The following ZNF609 variants were observed in gnomAD, a reference collection of about 807,000 sequenced individuals.
The protein encoded by ZNF609 is zinc finger protein 609.
A neutral mutation model predicts 109.5 loss-of-function variants in ZNF609; 11 were observed. The observed-to-expected ratio is 0.10, with a 90% confidence interval of 0.06 to 0.17. The LOEUF (loss-of-function observed/expected upper bound fraction) is 0.17, where lower values mean the gene tolerates loss of function less well. ZNF609 is among the 10% of genes least tolerant of loss of function. The pLI is 1.00. For missense variants in ZNF609, 1,559 were observed against 1,772.4 expected, an observed-to-expected ratio of 0.88 and a Z score of 2.16; for synonymous variants, 646 against 662.0, an observed-to-expected ratio of 0.98 and a Z score of 0.37.
intron 2 of ZNF609, among the ~76,000 whole-genome samples, chr15:64,510,285 G>C (rs1893704876): frequency 1.3e-5 from 2 of 150,700 alleles, no homozygotes; most frequent in African/African-American, 4.9e-5. Flanking sequence ...GCTCAGTGCA[G>C]CCTCAAACTC....
chr15:64,489,715 A>G (rs1696390001), intron 1 of ZNF609, among the ~76,000 whole-genome samples: 1 of 151,224 alleles, frequency 6.6e-6, no homozygotes, highest in African/African-American at 2.4e-5. Context: ...TTTTTAGTAA[A>G]GACAGTTTCC....
chr15:64,584,526 C>T (rs966186230), intron 2 of ZNF609, among the ~76,000 whole-genome samples: 1 of 152,056 alleles, frequency 6.6e-6, no homozygotes, highest in Non-Finnish European at 1.5e-5. Flanking sequence ...GTCTCGAACT[C>T]GTGACCTCAA....
In ZNF609 at chr15:64,499,818, C is replaced by G. The variant is rs551876042; in HGVS notation, c.399C>G (p.Gly133=). Residue 133 remains glycine, a synonymous_variant, in exon 2 of 10, where the codon GGC becomes GGG. Transcript: ENST00000326648. ...GRSGDGANAG[G]LVAAIAPKGS... ...CAGGAGATGGTGCCAATGCTGGAGG[C>G]CTGGTTGCTGCTATTGCTCCCAAGG... 7.7e-4 allele frequency: 1,246 copies of G among 1,614,040 alleles called. 20 individuals carry two copies. In the South Asian group the frequency reaches 0.013, roughly 17 times the overall value.
intron 2 of ZNF609, among the ~76,000 whole-genome samples, chr15:64,569,828 T>C (rs1441413220): frequency 6.6e-6 from 1 of 152,248 alleles, no homozygotes; most frequent in Non-Finnish European, 1.5e-5. Context: ...GTTAGACAGC[T>C]AGTTAAGTTT....
intron 1 of ZNF609, among the ~76,000 whole-genome samples, chr15:64,492,633 C>T (rs930962950): frequency 5.9e-5 from 9 of 152,144 alleles, no homozygotes; most frequent in Admixed American, 3.3e-4. Context: ...CCTCTCACCT[C>T]GGCCTCCCAA....
chr15:64,562,122 G>A, intron 2 of ZNF609, among the ~76,000 whole-genome samples: 1 of 152,136 alleles, frequency 6.6e-6, no homozygotes, highest in East Asian at 1.9e-4. Context: ...AATAATTTCA[G>A]TTCAATCTTT....
At chr15:64,612,298 C>T (rs1001575657) in intron 2 of ZNF609, among the ~76,000 whole-genome samples, 1 of 151,864 alleles carries the variant, frequency 6.6e-6, no homozygotes, top group African/African-American at 2.4e-5. Context: ...CAGGTGCCCG[C>T]CACCACGCCC....
At chr15:64,631,201 G>T in intron 3 of ZNF609, 1 of 623,330 alleles carries the variant, frequency 1.6e-6, no homozygotes. Context: ...AGAGGCTGCT[G>T]CTTCAGGTGA....
intron 2 of ZNF609, among the ~76,000 whole-genome samples, chr15:64,587,525 A>C (rs1895217407): frequency 6.6e-6 from 1 of 152,054 alleles, no homozygotes; most frequent in Non-Finnish European, 1.5e-5. Context: ...GTATTTGTGT[A>C]TTTTCTTGCA....
At chr15:64,469,797 G>A (rs1893069016) in intron 1 of ZNF609, among the ~76,000 whole-genome samples, 1 of 152,200 alleles carries the variant, frequency 6.6e-6, no homozygotes, top group African/African-American at 2.4e-5. Context: ...GGGAGGCCGA[G>A]GCGGGTGGAT....
chr15:64,671,754 T>G (rs1896734357), intron 4 of ZNF609, among the ~76,000 whole-genome samples: 2 of 152,132 alleles, frequency 1.3e-5, no homozygotes. Context: ...AGTCACAAGT[T>G]TCTTTGTTGG....
Position 64,674,545 on chromosome 15 carries a change from C to T in ZNF609, c.1691C>T (p.Ser564Leu), listed in dbSNP as rs748390227. 1.9e-6 allele frequency: 3 copies of T among 1,614,130 alleles called. No individual in the cohort carries two copies. The highest frequency in any genetic ancestry group is 4.5e-5 in the East Asian group (2 of 44,884). The change falls in exon 5 of 10, where the codon TCA becomes TTA. Residue 564 changes from serine (S) to leucine (L), a missense_variant. Physicochemically the swap from Ser to Leu is moderately radical, Grantham distance 145. This residue lies in a region of ZNF609 where 1,204 missense variants were observed against 1,314.1 expected (regional missense o/e 0.92). Coordinates refer to ENST00000326648, the MANE Select transcript of ZNF609 (RefSeq NM_015042.2). ...AAAGGTTCCTTGTCCCCTGCCCGCT[C>T]AGCTACCCCCAAAGTTCGACTTGTA... ...SQKGSLSPAR[S>L]ATPKVRLVEP...
intron 1 of ZNF609, among the ~76,000 whole-genome samples, chr15:64,480,241 A>G (rs1001094411): frequency 2.2e-4 from 34 of 151,788 alleles, no homozygotes; most frequent in African/African-American, 8.2e-4. Context: ...TCCATCTCCA[A>G]AAAAAAGGTG....
At position 64,680,784 on chromosome 15, in the gene ZNF609, C is replaced by G. The variant is rs779181065; in HGVS notation, c.4084C>G (p.Leu1362Val). ...GCCCCGCACCTCTCCTTCCCAGCGC[C>G]TGATGTCCACACACCACCACCACCA... ...DRPRTSPSQR[L>V]MSTHHHHHHL... Residue 1362 changes from leucine (L) to valine (V), a missense_variant, in exon 8 of 10, where the codon CTG (leucine) becomes GTG (valine). Physicochemically the swap from Leu to Val is conservative, Grantham distance 32. Coordinates refer to ENST00000326648, the MANE Select transcript of ZNF609 (RefSeq NM_015042.2). 1 of 1,613,540 alleles carries G rather than the reference C, an allele frequency of 6.2e-7. No individual in the cohort carries two copies. Among genetic ancestry groups the G allele is most frequent in the African/African-American group, 1.3e-5 (1 of 74,872 alleles).
chr15:64,540,924 A>T (rs576747504), intron 2 of ZNF609, among the ~76,000 whole-genome samples: 1 of 148,134 alleles, frequency 6.8e-6, no homozygotes, highest in Admixed American at 6.8e-5. Context: ...GCTACTTGGG[A>T]GGCTGAGGCA....
In ZNF609 at chr15:64,675,101, G is replaced by T; in HGVS notation, c.2247G>T (p.Lys749Asn). The T allele has an allele frequency of 2.5e-6, 4 of 1,614,198 alleles. No individual in the cohort carries two copies. The highest frequency in any genetic ancestry group is 3.4e-6 in the Non-Finnish European group (4 of 1,180,038). ...TTGAAAGTCCTCTGACCCCTGGGAA[G>T]GTGTGTCGAGCAGAGGAAGGCAAAA... Reference protein sequence around the residue: ...KELESPLTPGKVCRAEEGKSP... With the variant: ...KELESPLTPGNVCRAEEGKSP... The change falls in exon 5 of 10, where the codon AAG becomes AAT. Residue 749 changes from lysine (K) to asparagine (N), a missense_variant. This residue lies in a region of ZNF609 where 1,204 missense variants were observed against 1,314.1 expected (regional missense o/e 0.92). Transcript: ENST00000326648.
intron 1 of ZNF609, among the ~76,000 whole-genome samples, chr15:64,494,161 G>T (rs1195160417): frequency 6.6e-6 from 1 of 152,164 alleles, no homozygotes; most frequent in Non-Finnish European, 1.5e-5. Context: ...CAGTCCTTGG[G>T]ATATGTTTTC....
chr15:64,611,710 T>C (rs1206077419), intron 2 of ZNF609, among the ~76,000 whole-genome samples: 1 of 151,896 alleles, frequency 6.6e-6, no homozygotes, highest in East Asian at 1.9e-4. Context: ...CAAAATTTAA[T>C]GTTCACTGTA....
chr15:64,662,919 G>A (rs1567042110), intron 3 of ZNF609, among the ~76,000 whole-genome samples: 2 of 151,864 alleles, frequency 1.3e-5, no homozygotes, highest in Non-Finnish European at 2.9e-5. Context: ...CACCTGCCTC[G>A]GCCTCCCAAA....
Sources: gnomAD v4.1 joint callset for allele counts (sites outside exome capture counted in the v4.1 genomes callset) on GRCh38, gnomAD v4.1.1 for gene constraint, gnomAD v4.1.1 regional missense constraint, MANE v1.5 for transcripts, NCBI Gene and HGNC (gene_info 2026-07-23, HGNC 2026-07-21) for gene names.